The following USP9X variants were observed in gnomAD, a reference collection of about 807,000 sequenced individuals.
The protein encoded by USP9X is ubiquitin carboxyl-terminal hydrolase 9X.
A neutral mutation model predicts 190.3 loss-of-function variants in USP9X; 7 were observed. The ratio of observed to expected loss-of-function variants is 0.04; its 90% CI spans 0.02 to 0.07. USP9X has a LOEUF of 0.07. Among genes scored for constraint, USP9X ranks in the 10% least tolerant of loss-of-function variants. The probability of loss-of-function intolerance (pLI) is 1.00; values close to 1 mark genes in which losing one functional copy is unlikely to be tolerated. For synonymous variants in USP9X, 645 were observed against 659.5 expected, an observed-to-expected ratio of 0.98 and a Z score of 0.34; for missense variants, 1,010 against 1,916.9, an observed-to-expected ratio of 0.53 and a Z score of 8.83.
At chrX:41,131,021 C>T (rs1232142047) in intron 3 of USP9X, among the ~76,000 whole-genome samples, 10 of 109,041 alleles carry the variant, frequency 9.2e-5, no homozygotes, top group African/African-American at 2.7e-4. Flanking sequence ...CCACTGCTCC[C>T]GGGCAACCCT....
chrX:41,106,823 AC>A (rs1456695239), intron 1 of USP9X, among the ~76,000 whole-genome samples: 2 of 95,292 alleles, frequency 2.1e-5, no homozygotes, highest in African/African-American at 7.8e-5. Flanking sequence ...GAGCCACTGC[AC>A]CCGGCCCTGA....
chrX:41,217,759 G>T (rs750976097), intron 36 of USP9X, among the ~76,000 whole-genome samples: 58 of 110,974 alleles, frequency 5.2e-4, no homozygotes, highest in Middle Eastern at 9.1e-3. Context: ...GTATGGTGGC[G>T]CACACCTGTA....
intron 1 of USP9X, among the ~76,000 whole-genome samples, chrX:41,106,857 G>T (rs73203641): frequency 0.081 from 8,061 of 99,812 alleles, 360 homozygotes; most frequent in Middle Eastern, 0.17. Context: ...AATAAATTTG[G>T]TTGATAGTTT....
Position 41,198,622 on chromosome X carries a change from G to T in USP9X, c.4475G>T (p.Cys1492Phe). ...CCAGCTGAACAGGCTATTCCGGTCT[G>T]TGGTTCACCACCTACAATTAATGCT... The part of the protein sequence containing the change: ...ELPAEQAIPV[C>F]GSPPTINAGF... Residue 1492 changes from cysteine to phenylalanine, a missense_variant, in exon 30 of 45, where the codon TGT becomes TTT. Coordinates refer to ENST00000378308, the MANE Select transcript of USP9X (RefSeq NM_001039591.3). 8.3e-7 allele frequency: 1 copy of T among 1,211,951 alleles called. No individual in the cohort carries two copies. Among genetic ancestry groups the T allele is most frequent in the Non-Finnish European group, 1.1e-6 (1 of 895,474 alleles).
intron 41 of USP9X, among the ~76,000 whole-genome samples, chrX:41,225,387 A>G (rs768896901): frequency 1.8e-5 from 2 of 111,910 alleles, no homozygotes; most frequent in Non-Finnish European, 3.8e-5. Flanking sequence ...TTTTTTAATT[A>G]AGGAGGAGCT....
At chrX:41,211,395 G>C (rs2063156233) in intron 33 of USP9X, among the ~76,000 whole-genome samples, 1 of 112,723 alleles carries the variant, frequency 8.9e-6, no homozygotes, top group South Asian at 3.6e-4. Flanking sequence ...CTTAGAACTT[G>C]AGTGATTATA....
At chrX:41,188,263 A>C (rs1417576418) in intron 25 of USP9X, 146 bp downstream of exon 25, 6 of 624,899 alleles carry the variant, frequency 9.6e-6, no homozygotes, top group Non-Finnish European at 1.4e-5. Context: ...TATGTTGAGA[A>C]TATGGTAAAA....
chrX:41,208,915 A>G (rs973458215), intron 32 of USP9X, among the ~76,000 whole-genome samples: 2 of 110,316 alleles, frequency 1.8e-5, no homozygotes, highest in Non-Finnish European at 3.8e-5. Flanking sequence ...TCATTGTGTT[A>G]GCCAGGGTGG....
chrX:41,187,964 A>AC, intron 24 of USP9X, 28 bp from the exon 25 acceptor site: 2 of 1,190,317 alleles, frequency 1.7e-6, no homozygotes, highest in East Asian at 5.9e-5. Context: ...CATTCTATCA[A>AC]CAGTTCTATT....
chrX:41,105,553 C>T (rs1012928), intron 1 of USP9X, among the ~76,000 whole-genome samples: 50,894 of 110,952 alleles, frequency 0.46, 8,363 homozygotes, highest in Middle Eastern at 0.51. Flanking sequence ...ATCTGTCAAA[C>T]GGATACATAT....
chrX:41,225,207 T>C, intron 41 of USP9X, 70 bp downstream of exon 41: 2 of 1,013,417 alleles, frequency 2.0e-6, no homozygotes, highest in Non-Finnish European at 2.8e-6. Context: ...AAATTGACAG[T>C]CACCACATTT....
intron 43 of USP9X, 51 bp from the exon 44 acceptor site, chrX:41,230,450 T>G (rs1335605776): frequency 1.6e-5 from 18 of 1,100,162 alleles, no homozygotes; most frequent in Non-Finnish European, 2.1e-5. Flanking sequence ...AAGTTAAAAG[T>G]AAACTTGAGT....
chrX:41,193,632 C>T (rs1348375981), intron 26 of USP9X, among the ~76,000 whole-genome samples: 1 of 111,701 alleles, frequency 9.0e-6, no homozygotes, highest in Non-Finnish European at 1.9e-5. Context: ...CCACTGCACT[C>T]TAGCCTGGGT....
intron 11 of USP9X, among the ~76,000 whole-genome samples, chrX:41,145,743 C>T (rs2062458790): frequency 9.0e-6 from 1 of 111,453 alleles, no homozygotes; most frequent in African/African-American, 3.3e-5. Flanking sequence ...TATGCTTGTA[C>T]TTTTCTAGAT....
Position 41,205,356 on chromosome X carries a change from T to C in USP9X, c.4878T>C (p.Asp1626=), listed in dbSNP as rs1370407576. 3 of 1,203,962 alleles carry C rather than the reference T, an allele frequency of 2.5e-6. No individual in the cohort carries two copies. The highest frequency in any genetic ancestry group is 3.5e-5 in the African/African-American group (2 of 56,876). The change falls in exon 32 of 45, where the codon GAT becomes GAC. Residue 1626 remains aspartate, a synonymous_variant. Coordinates refer to ENST00000378308, the MANE Select transcript of USP9X (RefSeq NM_001039591.3). ...TTGGATATCCTCAACAATTTGAAGA[T>C]AAACCAGCATTAAGTAAAACTGAAG... is the stretch of plus-strand genomic sequence containing the variant. ...DVFGYPQQFE[D]KPALSKTEDR...
chrX:41,175,470 A>G (rs748996516), intron 21 of USP9X, among the ~76,000 whole-genome samples: 51 of 110,106 alleles, frequency 4.6e-4, no homozygotes, highest in Non-Finnish European at 9.7e-4. Context: ...GCATTGAGCT[A>G]TATGATCAAG....
chrX:41,166,535 G>A (rs920215675), intron 16 of USP9X, among the ~76,000 whole-genome samples: 2 of 111,500 alleles, frequency 1.8e-5, no homozygotes, highest in Non-Finnish European at 3.8e-5. Flanking sequence ...ATTCAGTGTC[G>A]ATCTGTTTCC....
At chrX:41,167,862 A>G (rs183818152) in intron 17 of USP9X, 145 bp from the exon 18 acceptor site, 124 of 462,258 alleles carry the variant, frequency 2.7e-4, no homozygotes, top group African/African-American at 2.5e-3. Flanking sequence ...ACATTTTATT[A>G]TTGTATGGAT....
At chrX:41,199,189 AAAAAGAAAAG>A (rs766918025) in intron 30 of USP9X, among the ~76,000 whole-genome samples, 3 of 110,898 alleles carry the variant, frequency 2.7e-5, no homozygotes, top group Admixed American at 9.6e-5. Flanking sequence ...ATCTCAGAAA[AAAAAGAAAAG>A]AAAAGAAAAG....
Sources: allele counts gnomAD v4.1 joint callset (sites outside exome capture counted in the v4.1 genomes callset), GRCh38; gene constraint gnomAD v4.1.1; transcripts MANE v1.5; gene names NCBI Gene and HGNC (gene_info 2026-07-23, HGNC 2026-07-21).